Variants in CT47C1 observed in about 807,000 individuals in gnomAD.
The protein encoded by CT47C1 is cancer/testis antigen family 47 member A11 pseudogene.
chrX:119,075,086 A>G, the CT47C1 span: 2 of 1,086,594 alleles, frequency 1.8e-6, no homozygotes, highest in East Asian at 6.0e-5. Flanking sequence ...ACCTAGACGC[A>G]GCAGAGGGGA....
At chrX:119,074,578 A>G in the CT47C1 span, among the ~76,000 whole-genome samples, 2 of 111,758 alleles carry the variant, frequency 1.8e-5, no homozygotes, top group Middle Eastern at 4.2e-3. Flanking sequence ...TGAGGAACCA[A>G]TGAGCTTCAC....
At chrX:119,074,257 A>G in the CT47C1 span, among the ~76,000 whole-genome samples, 1 of 111,674 alleles carries the variant, frequency 9.0e-6, no homozygotes. Context: ...TGTACCAATG[A>G]GTCGAAGCCC....
chrX:119,075,837 T>C, the CT47C1 span, among the ~76,000 whole-genome samples: 9 of 110,323 alleles, frequency 8.2e-5, no homozygotes, highest in African/African-American at 3.0e-4. Flanking sequence ...GGAGTATCAT[T>C]TGTGGAACTA....
chrX:119,075,318 C>A, the CT47C1 span, among the ~76,000 whole-genome samples: 3 of 112,540 alleles, frequency 2.7e-5, no homozygotes, highest in Non-Finnish European at 5.6e-5. Flanking sequence ...CACTTCATGG[C>A]TACTCATTTG....
the CT47C1 span, chrX:119,073,416 G>C: frequency 1.9e-6 from 1 of 524,536 alleles, no homozygotes; most frequent in Non-Finnish European, 3.4e-6. Flanking sequence ...CAGGCGGCAG[G>C]CTTGGCCGCA....
At chrX:119,075,244 T>A in the CT47C1 span, 1 of 890,673 alleles carries the variant, frequency 1.1e-6, no homozygotes, top group Non-Finnish European at 1.5e-6. Flanking sequence ...CAATTTAGCT[T>A]ACTTAAAATG....
chrX:119,074,068 T>C, the CT47C1 span: 1 of 516,771 alleles, frequency 1.9e-6, no homozygotes, highest in African/African-American at 2.3e-5. Flanking sequence ...AGGAGGCTGC[T>C]GCCCCTGAGG....
chrX:119,074,018 C>G, the CT47C1 span: 5 of 603,921 alleles, frequency 8.3e-6, no homozygotes, highest in East Asian at 1.6e-4. Context: ...CAAAGAGGAA[C>G]CGGCTGCAGA....
chrX:119,075,067 T>C, the CT47C1 span: 1 of 1,087,668 alleles, frequency 9.2e-7, no homozygotes, highest in East Asian at 3.0e-5. Context: ...GGTGAAGAAC[T>C]CCAAAGGGAC....
At chrX:119,075,017 A>G in the CT47C1 span, 1 of 1,084,252 alleles carries the variant, frequency 9.2e-7, no homozygotes, top group Non-Finnish European at 1.3e-6. Flanking sequence ...GCTGCAGGCA[A>G]GGAAGAGAAA....
chrX:119,075,234 C>T, the CT47C1 span: 7 of 911,285 alleles, frequency 7.7e-6, no homozygotes, highest in East Asian at 9.8e-5. Context: ...TTTAAAAATT[C>T]AATTTAGCTT....
At chrX:119,076,204 G>T in the CT47C1 span, 1 of 112,519 alleles carries the variant, frequency 8.9e-6, no homozygotes, top group South Asian at 3.6e-4. Context: ...AGACTCTGTT[G>T]TTCATTGTTT....
At chrX:119,074,998 G>A in the CT47C1 span, 1 of 1,065,903 alleles carries the variant, frequency 9.4e-7, no homozygotes, top group Non-Finnish European at 1.3e-6. Context: ...GGATGAAGAG[G>A]CCCAAGATGC....
the CT47C1 span, among the ~76,000 whole-genome samples, chrX:119,073,062 T>A: frequency 1.8e-5 from 2 of 111,940 alleles, no homozygotes; most frequent in Non-Finnish European, 3.8e-5. Context: ...CCTTAGGGTG[T>A]CCTCAGAGAC....
At chrX:119,074,160 C>T in the CT47C1 span, 8 of 421,068 alleles carry the variant, frequency 1.9e-5, no homozygotes, top group Non-Finnish European at 2.9e-5. Flanking sequence ...GGTGTGCGCA[C>T]AGCTGGTGAA....
chrX:119,074,102 G>A, the CT47C1 span: 1 of 492,180 alleles, frequency 2.0e-6, no homozygotes. Context: ...TATCTGCAGT[G>A]GCGGGGAGAC....
the CT47C1 span, chrX:119,073,896 C>T: frequency 1.2e-6 from 1 of 843,279 alleles, no homozygotes; most frequent in Non-Finnish European, 1.7e-6. Context: ...GAGGAGGCCT[C>T]AGAGAAGCCC....
At chrX:119,075,199 T>G in the CT47C1 span, 11 of 982,546 alleles carry the variant, frequency 1.1e-5, no homozygotes, top group African/African-American at 9.7e-5. Flanking sequence ...AAATTCCCAG[T>G]AAATTAATTA....
the CT47C1 span, chrX:119,073,784 G>A: frequency 1.2e-6 from 1 of 848,140 alleles, no homozygotes; most frequent in Admixed American, 2.4e-5. Flanking sequence ...GGGTCCTGAG[G>A]GCGAGGGCCT....
Sources: allele counts gnomAD v4.1 joint callset (sites outside exome capture counted in the v4.1 genomes callset), GRCh38; gene constraint gnomAD v4.1.1; transcripts MANE v1.5; gene names NCBI Gene and HGNC (gene_info 2026-07-23, HGNC 2026-07-21).